Variants in MZT2B observed in about 807,000 individuals in gnomAD.
MZT2B encodes the protein mitotic spindle organizing protein 2B.
A neutral mutation model predicts 12.1 loss-of-function variants in MZT2B; 11 were observed. That is an observed-to-expected ratio of 0.91 (90% CI 0.57 to 1.50). MZT2B has a LOEUF of 1.50. Among genes scored for constraint, MZT2B ranks in the 40% most tolerant of loss-of-function variants. The probability of loss-of-function intolerance (pLI) is 0.00; values close to 1 mark genes in which losing one functional copy is unlikely to be tolerated. For synonymous variants in MZT2B, 85 were observed against 109.5 expected, an observed-to-expected ratio of 0.78 and a Z score of 1.40; for missense variants, 209 against 227.7, an observed-to-expected ratio of 0.92 and a Z score of 0.53.
chr2:130,194,305 T>C (rs1392031106), downstream of MZT2B: 6 of 1,612,242 alleles, frequency 3.7e-6, no homozygotes, highest in Admixed American at 6.7e-5. Flanking sequence ...CCACCACGGC[T>C]GTGGAGACCT....
chr2:130,182,899 C>T (rs1382009990), intron 2 of MZT2B, 124 bp downstream of exon 2: 5 of 1,384,242 alleles, frequency 3.6e-6, no homozygotes, highest in Middle Eastern at 2.6e-4. Flanking sequence ...AGGCCCAGCA[C>T]CTGCAGGGCC....
downstream of MZT2B, chr2:130,191,998 C>T (rs1389726458): frequency 9.9e-6 from 16 of 1,614,090 alleles, no homozygotes; most frequent in East Asian, 6.7e-5. Context: ...TACATGAGAT[C>T]GAACTTATGG....
At chr2:130,190,399 C>T (rs1018972961) in intron 2 of MZT2B, 70 bp from the exon 3 acceptor site, 2 of 1,587,880 alleles carry the variant, frequency 1.3e-6, no homozygotes, top group Non-Finnish European at 1.7e-6. Context: ...GCCCAAGGAC[C>T]ACGAGTACAG....
chr2:130,184,618 A>C (rs1307761350), intron 2 of MZT2B: 1 of 985,024 alleles, frequency 1.0e-6, no homozygotes, highest in Non-Finnish European at 1.2e-6. Flanking sequence ...CTCGGACCCA[A>C]GGGAGGGTGG....
upstream of MZT2B, chr2:130,182,046 G>T (rs1179439466): frequency 1.5e-5 from 20 of 1,348,874 alleles, no homozygotes; most frequent in Middle Eastern, 2.9e-4. Context: ...GCCAAGCAGC[G>T]GACCCCTGCG....
At chr2:130,204,461 C>A in the MZT2B span, 9 of 351,530 alleles carry the variant, frequency 2.6e-5, no homozygotes, top group Middle Eastern at 2.3e-3. Flanking sequence ...GAGGTCGAGG[C>A]GGGTGGATGG....
At chr2:130,182,890 G>C in intron 2 of MZT2B, 115 bp downstream of exon 2, 2 of 1,462,548 alleles carry the variant, frequency 1.4e-6, no homozygotes, top group Non-Finnish European at 9.1e-7. Flanking sequence ...TGTCGGTCTA[G>C]GCCCAGCACC....
chr2:130,188,163 C>T (rs1690127932), intron 2 of MZT2B: 1 of 152,404 alleles, frequency 6.6e-6, no homozygotes. Flanking sequence ...AGAGGAAGCT[C>T]AGATGGCAGC....
At chr2:130,181,791 C>G, upstream of MZT2B, 1 of 1,546,986 alleles carries the variant, frequency 6.5e-7, no homozygotes, top group Non-Finnish European at 8.7e-7. Context: ...GCCTCCGGCG[C>G]CCCAAGGTAC....
At chr2:130,197,731 C>G in the MZT2B span, among the ~76,000 whole-genome samples, 1 of 122,852 alleles carries the variant, frequency 8.1e-6, no homozygotes, top group African/African-American at 2.8e-5. Flanking sequence ...CTCAGCCTCC[C>G]GAGTAGCTGG....
At chr2:130,200,656 C>A in the MZT2B span, among the ~76,000 whole-genome samples, 3 of 152,148 alleles carry the variant, frequency 2.0e-5, no homozygotes, top group African/African-American at 4.8e-5. Flanking sequence ...GGGTTTATGG[C>A]CAACAGGAAA....
chr2:130,204,433 G>A, the MZT2B span: 9 of 391,214 alleles, frequency 2.3e-5, no homozygotes, highest in Middle Eastern at 3.7e-4. Context: ...GCTCACGCCT[G>A]TAATCCCAGC....
the MZT2B span, chr2:130,204,445 C>T: frequency 2.7e-6 from 1 of 369,108 alleles, no homozygotes; most frequent in Non-Finnish European, 5.4e-6. Context: ...AATCCCAGCA[C>T]TTTGGGAGGT....
intron 2 of MZT2B, among the ~76,000 whole-genome samples, chr2:130,185,063 A>G (rs563741233): frequency 1.8e-4 from 28 of 152,154 alleles, no homozygotes; most frequent in Non-Finnish European, 4.0e-4. Context: ...TAATCCCAGC[A>G]CTTTGGGAGG....
intron 2 of MZT2B, chr2:130,183,564 A>T (rs1204626748): frequency 9.7e-6 from 7 of 720,482 alleles, no homozygotes; most frequent in Non-Finnish European, 1.5e-5. Flanking sequence ...ACAACCTCCT[A>T]GGCCAATGGA....
chr2:130,190,113 C>A (rs868713560), intron 2 of MZT2B, among the ~76,000 whole-genome samples: 3 of 152,342 alleles, frequency 2.0e-5, no homozygotes, highest in African/African-American at 7.2e-5. Flanking sequence ...ATGGCACCAT[C>A]AGGGCAGACT....
At chr2:130,184,079 G>T (rs1175606147) in intron 2 of MZT2B, 3 of 1,547,104 alleles carry the variant, frequency 1.9e-6, no homozygotes, top group South Asian at 2.4e-5. Context: ...GACCATGCAG[G>T]CCATCGCTGC....
At chr2:130,198,724 T>G in the MZT2B span, among the ~76,000 whole-genome samples, 7 of 117,900 alleles carry the variant, frequency 5.9e-5, 2 homozygotes, top group South Asian at 1.9e-3. Flanking sequence ...GCTCCCAGTG[T>G]GCCACTGCCC....
At chr2:130,198,328 T>C in the MZT2B span, 5 of 1,353,296 alleles carry the variant, frequency 3.7e-6, 2 homozygotes, top group Non-Finnish European at 5.0e-6. Flanking sequence ...TGCCTGGGCA[T>C]CTGCGGGGCG....
Sources: gnomAD v4.1 joint callset for allele counts (sites outside exome capture counted in the v4.1 genomes callset) on GRCh38, gnomAD v4.1.1 for gene constraint, MANE v1.5 for transcripts, NCBI Gene and HGNC (gene_info 2026-07-23, HGNC 2026-07-21) for gene names.